The following SAMMSON variants were observed in gnomAD, a reference collection of about 807,000 sequenced individuals.
SAMMSON encodes long intergenic non-protein coding RNA 1212.
intron 4 of SAMMSON, among the ~76,000 whole-genome samples, chr3:70,147,980 T>G (rs2067556054): frequency 6.6e-6 from 1 of 152,022 alleles, no homozygotes; most frequent in South Asian, 2.1e-4. Context: ...GGGCAAAATT[T>G]GGACAATTTA....
At chr3:70,342,456 T>C (rs899022824) in intron 7 of SAMMSON, among the ~76,000 whole-genome samples, 12 of 152,200 alleles carry the variant, frequency 7.9e-5, no homozygotes, top group Admixed American at 5.9e-4. Context: ...TTGAGACATA[T>C]TGATGGTGTA....
intron 8 of SAMMSON, among the ~76,000 whole-genome samples, chr3:70,355,877 G>A (rs767535379): frequency 6.6e-6 from 1 of 152,110 alleles, no homozygotes; most frequent in Non-Finnish European, 1.5e-5. Flanking sequence ...CTTTGAGCAT[G>A]TAATCCAGGT....
At chr3:70,024,940 G>C (rs1428251907) in intron 3 of SAMMSON, 3 of 152,214 alleles carry the variant, frequency 2.0e-5, no homozygotes, top group Non-Finnish European at 2.9e-5. Flanking sequence ...AGAGGTGGAA[G>C]ATGACCTAAG....
At chr3:70,359,768 T>TTTTTTTTTTTTTAATTAGA (rs1424969147) in intron 9 of SAMMSON, among the ~76,000 whole-genome samples, 1 of 152,142 alleles carries the variant, frequency 6.6e-6, no homozygotes, top group African/African-American at 2.4e-5. Context: ...TAGATTATTT[T>TTTTTTTTTTTTTAATTAGA]TTGTTTTATT....
intron 2 of SAMMSON, among the ~76,000 whole-genome samples, chr3:70,434,017 C>G (rs1409165135): frequency 6.6e-6 from 1 of 152,192 alleles, no homozygotes; most frequent in African/African-American, 2.4e-5. Flanking sequence ...TATTCTTTCA[C>G]TAATACCACA....
intron 2 of SAMMSON, among the ~76,000 whole-genome samples, chr3:70,397,814 C>A (rs1265781261): frequency 6.6e-6 from 1 of 152,152 alleles, no homozygotes; most frequent in Non-Finnish European, 1.5e-5. Context: ...AGTATCCACA[C>A]TAAAACATTG....
chr3:70,330,065 T>C (rs1025502477), intron 7 of SAMMSON, among the ~76,000 whole-genome samples: 5 of 151,840 alleles, frequency 3.3e-5, no homozygotes, highest in African/African-American at 1.2e-4. Context: ...TGTAAAAGAC[T>C]ATTAACTCTG....
intron 4 of SAMMSON, among the ~76,000 whole-genome samples, chr3:70,141,731 C>A (rs903279505): frequency 6.6e-6 from 1 of 152,056 alleles, no homozygotes; most frequent in Non-Finnish European, 1.5e-5. Flanking sequence ...GGATTGTTTT[C>A]TGTTTTTTTC....
chr3:70,231,307 T>C lies in SAMMSON; in HGVS notation n.508-17800T>C, dbSNP rs182222962. Among the ~76,000 whole-genome samples the C allele has an allele frequency of 2.0e-3, 302 of 152,288 alleles. 1 individual carries two copies. The highest frequency in any genetic ancestry group is 3.2e-3 in the Non-Finnish European group (215 of 68,024). ...AAGACGACGCTCCTGCCCCTGCCTTTTCCACACCCAGAGGACCTGCTAGAC... is the reference window on the plus strand; with the variant it reads ...AAGACGACGCTCCTGCCCCTGCCTTCTCCACACCCAGAGGACCTGCTAGAC... On this transcript the variant is annotated intron_variant and non_coding_transcript_variant, in intron 4 of 9. Transcript: ENST00000642114.
At chr3:70,025,679 C>A (rs1259654575) in intron 3 of SAMMSON, among the ~76,000 whole-genome samples, 1 of 152,202 alleles carries the variant, frequency 6.6e-6, no homozygotes, top group East Asian at 1.9e-4. Flanking sequence ...ACGCGGTTCA[C>A]AATCTGAGTA....
At position 70,208,203 on chromosome 3, in the gene SAMMSON, C is replaced by T. The variant is rs17006840; in HGVS notation, n.508-40904C>T. ...TCGTGGTTTGGTGGCACAACTGGGA[C>T]GTGGTCAAGAGGTGTCCTTGGGAAT... On this transcript the variant is annotated intron_variant and non_coding_transcript_variant, in intron 4 of 9. Transcript: ENST00000642114. Among the ~76,000 whole-genome samples, 6 of 152,152 alleles carry T rather than the reference C, an allele frequency of 3.9e-5. No homozygotes were observed. The East Asian group carries it at 7.8e-4, about 20-fold the overall frequency.
At chr3:70,297,220 C>T (rs948991937) in intron 7 of SAMMSON, among the ~76,000 whole-genome samples, 1 of 151,972 alleles carries the variant, frequency 6.6e-6, no homozygotes, top group African/African-American at 2.4e-5. Context: ...TTGCCTAGCT[C>T]TTGGTAATTA....
chr3:70,297,361 C>A (rs116007928), intron 7 of SAMMSON, among the ~76,000 whole-genome samples: 232 of 152,100 alleles, frequency 1.5e-3, no homozygotes, highest in African/African-American at 5.3e-3. Context: ...ACAAAAAGAA[C>A]TGGATATCTT....
intron 4 of SAMMSON, among the ~76,000 whole-genome samples, chr3:70,096,455 G>T (rs1384627428): frequency 6.6e-6 from 1 of 152,098 alleles, no homozygotes; most frequent in Non-Finnish European, 1.5e-5. Flanking sequence ...GAGAAGAGAG[G>T]ATTGCTTGAG....
chr3:70,121,045 G>T (rs1451486850), intron 4 of SAMMSON, among the ~76,000 whole-genome samples: 1 of 152,208 alleles, frequency 6.6e-6, no homozygotes, highest in Non-Finnish European at 1.5e-5. Flanking sequence ...GGTCATGAGA[G>T]ACAGTGACAG....
chr3:70,363,028 C>A (rs1299943611), intron 9 of SAMMSON, among the ~76,000 whole-genome samples: 6 of 151,352 alleles, frequency 4.0e-5, no homozygotes, highest in Non-Finnish European at 7.4e-5. Flanking sequence ...GAGGCATGGA[C>A]TAACAGATAG....
At chr3:70,320,004 G>T (rs1389135476) in intron 7 of SAMMSON, among the ~76,000 whole-genome samples, 1 of 151,880 alleles carries the variant, frequency 6.6e-6, no homozygotes, top group Non-Finnish European at 1.5e-5. Flanking sequence ...CATCCAACAT[G>T]GTGTCCGAGT....
intron 7 of SAMMSON, among the ~76,000 whole-genome samples, chr3:70,297,264 C>T (rs556185091): frequency 2.7e-4 from 41 of 151,930 alleles, no homozygotes; most frequent in African/African-American, 9.9e-4. Context: ...AAAAATAAAG[C>T]AAAAGAATCA....
At position 70,122,239 on chromosome 3, in the gene SAMMSON, C is replaced by T. The variant is rs898850983; in HGVS notation, n.507+50674C>T. 2.0e-5 allele frequency among the ~76,000 whole-genome samples: 3 copies of T among 152,182 alleles called. No homozygotes were observed. The East Asian group carries it at 5.8e-4, about 29-fold the overall frequency. ...ACAAAATTTCTCTCTGTCACCCAGG[C>T]CGGAGTGTAGTGGTGTGAGCCTGGC... On this transcript the variant is annotated intron_variant and non_coding_transcript_variant, in intron 4 of 9. Transcript: ENST00000642114.
Sources: allele counts gnomAD v4.1 joint callset (sites outside exome capture counted in the v4.1 genomes callset), GRCh38; gene constraint gnomAD v4.1.1; transcripts MANE v1.5; gene names NCBI Gene and HGNC (gene_info 2026-07-23, HGNC 2026-07-21).